The following CACNA2D1 variants were observed in gnomAD, a reference collection of about 807,000 sequenced individuals.
CACNA2D1 encodes the protein voltage-dependent calcium channel subunit alpha-2/delta-1.
CACNA2D1 carries 53 observed loss-of-function variants against 171.5 expected under a neutral mutation model. The ratio of observed to expected loss-of-function variants is 0.31; its 90% CI spans 0.25 to 0.39. CACNA2D1 has a LOEUF of 0.39. Among genes scored for constraint, CACNA2D1 ranks in the 10% least tolerant of loss-of-function variants. The pLI is 1.00. For synonymous variants in CACNA2D1, 442 were observed against 443.1 expected (o/e 1.00, Z 0.03); for missense variants, 903 against 1,299.8 (o/e 0.69, Z 4.69).
chr7:82,395,264 A>G (rs1164443331), intron 1 of CACNA2D1, among the ~76,000 whole-genome samples: 3 of 152,166 alleles, frequency 2.0e-5, no homozygotes, highest in African/African-American at 7.2e-5. Flanking sequence ...AAACTGAGCT[A>G]GAGAGAAGTA....
At chr7:82,404,738 A>C (rs1179108720) in intron 1 of CACNA2D1, among the ~76,000 whole-genome samples, 3 of 152,146 alleles carry the variant, frequency 2.0e-5, no homozygotes, top group African/African-American at 7.2e-5. Context: ...AAATCATAAA[A>C]CTGTACCCTG....
At chr7:82,259,874 A>G (rs1239756800) in intron 3 of CACNA2D1, among the ~76,000 whole-genome samples, 1 of 152,222 alleles carries the variant, frequency 6.6e-6, no homozygotes, top group Non-Finnish European at 1.5e-5. Context: ...TTGTCTCTAA[A>G]ATTGATATAA....
At chr7:82,164,189 A>G (rs1795219420) in intron 4 of CACNA2D1, among the ~76,000 whole-genome samples, 1 of 151,988 alleles carries the variant, frequency 6.6e-6, no homozygotes, top group Non-Finnish European at 1.5e-5. Context: ...ACAAGCAAAA[A>G]CAGATATCCT....
intron 1 of CACNA2D1, among the ~76,000 whole-genome samples, chr7:82,389,782 A>C (rs1055470421): frequency 2.6e-5 from 4 of 152,236 alleles, no homozygotes; most frequent in Non-Finnish European, 5.9e-5. Flanking sequence ...ATATATCCTT[A>C]ATAAACTTAA....
chr7:82,070,770 A>G (rs1056914537), intron 7 of CACNA2D1, among the ~76,000 whole-genome samples: 1 of 152,158 alleles, frequency 6.6e-6, no homozygotes, highest in African/African-American at 2.4e-5. Flanking sequence ...TTCCCAATGG[A>G]ATGGGAAGAC....
chr7:81,995,413 T>C (rs1020942391), intron 19 of CACNA2D1, among the ~76,000 whole-genome samples: 12 of 152,148 alleles, frequency 7.9e-5, no homozygotes, highest in African/African-American at 2.7e-4. Flanking sequence ...CAAAAAAATC[T>C]AAATAAAGGA....
rs574644882 is a variant in CACNA2D1 at position 82,050,137 on chromosome 7, G to A, written c.879+10291C>T. On this transcript the variant is annotated intron_variant, in intron 10 of 38. Transcript: ENST00000356860. The stretch of plus-strand genomic sequence containing the variant: ...GGAAATCTGAAATTTAAAGCACATA[G>A]GAAATGGAACAATTGAAATCATCTC... 3.0e-4 allele frequency among the ~76,000 whole-genome samples: 45 copies of A among 152,244 alleles called. 2 individuals carry two copies. In the South Asian group the frequency reaches 9.1e-3, roughly 31 times the overall value.
intron 3 of CACNA2D1, among the ~76,000 whole-genome samples, chr7:82,296,266 T>TAA (rs548667970): frequency 2.1e-5 from 3 of 145,596 alleles, no homozygotes; most frequent in African/African-American, 7.5e-5. Flanking sequence ...TAATAATAAT[T>TAA]AAAAAAAAAA....
At chr7:82,174,945 T>C (rs1048783148) in intron 3 of CACNA2D1, among the ~76,000 whole-genome samples, 6 of 152,064 alleles carry the variant, frequency 3.9e-5, no homozygotes, top group Non-Finnish European at 7.4e-5. Flanking sequence ...CATATCTTCA[T>C]CTTTTCCATT....
intron 10 of CACNA2D1, among the ~76,000 whole-genome samples, chr7:82,045,105 A>G (rs1008664391): frequency 6.0e-5 from 5 of 83,122 alleles, no homozygotes; most frequent in African/African-American, 2.3e-4. Context: ...AAATGAATAG[A>G]AAAGCCCAGA....
intron 12 of CACNA2D1, among the ~76,000 whole-genome samples, chr7:82,016,747 T>C (rs1800530301): frequency 6.6e-6 from 1 of 152,050 alleles, no homozygotes; most frequent in South Asian, 2.1e-4. Context: ...GCTGGGGTAG[T>C]GCACATTCTG....
chr7:82,395,925 G>C (rs572797766), intron 1 of CACNA2D1, among the ~76,000 whole-genome samples: 1 of 152,244 alleles, frequency 6.6e-6, no homozygotes, highest in East Asian at 1.9e-4. Context: ...TTGTTTGATA[G>C]GCTTAAGGGA....
At position 82,226,025 on chromosome 7, in the gene CACNA2D1, AATT is replaced by A. The variant is rs145648672; in HGVS notation, c.295-55419_295-55417del. 6.1e-3 allele frequency among the ~76,000 whole-genome samples: 923 copies of A among 152,322 alleles called. 12 individuals carry two copies. The highest frequency in any genetic ancestry group is 0.021 in the African/African-American group (882 of 41,578). On this transcript the variant is annotated intron_variant, in intron 3 of 38. Transcript: ENST00000356860. ...AGGAAACCTAACATAATTGTATTTT[AATT>A]ATTTTTTTTGAAATGTATCAAATAG... is the stretch of plus-strand genomic sequence containing the variant.
intron 4 of CACNA2D1, among the ~76,000 whole-genome samples, chr7:82,160,768 T>C (rs1244090101): frequency 6.6e-6 from 1 of 152,092 alleles, no homozygotes; most frequent in East Asian, 1.9e-4. Flanking sequence ...CCACCACACC[T>C]GGCATTTTCT....
chr7:82,244,276 T>C (rs1378632556), intron 3 of CACNA2D1, among the ~76,000 whole-genome samples: 4 of 152,292 alleles, frequency 2.6e-5, no homozygotes, highest in East Asian at 1.9e-4. Flanking sequence ...AAATCCTTTA[T>C]GACACTAAAG....
At chr7:82,236,418 T>C (rs1285979974) in intron 3 of CACNA2D1, among the ~76,000 whole-genome samples, 1 of 152,080 alleles carries the variant, frequency 6.6e-6, no homozygotes, top group Non-Finnish European at 1.5e-5. Flanking sequence ...ATAGGTACTC[T>C]AGACATGCAT....
At chr7:82,260,321 A>C (rs1563272563) in intron 3 of CACNA2D1, among the ~76,000 whole-genome samples, 1 of 152,136 alleles carries the variant, frequency 6.6e-6, no homozygotes, top group Non-Finnish European at 1.5e-5. Flanking sequence ...GATCATCAAC[A>C]CCGTTATTGA....
At chr7:82,369,051 C>T (rs1822059850) in intron 1 of CACNA2D1, among the ~76,000 whole-genome samples, 2 of 152,100 alleles carry the variant, frequency 1.3e-5, no homozygotes, top group Non-Finnish European at 1.5e-5. Flanking sequence ...TCCTTGAAAG[C>T]TCCTTTCTAG....
intron 20 of CACNA2D1, among the ~76,000 whole-genome samples, chr7:81,992,115 T>C (rs763950119): frequency 1.3e-5 from 2 of 151,716 alleles, no homozygotes; most frequent in Admixed American, 6.6e-5. Context: ...AGTGCTAGGA[T>C]TACAGGAGTG....
Sources: allele counts gnomAD v4.1 joint callset (sites outside exome capture counted in the v4.1 genomes callset), GRCh38; gene constraint gnomAD v4.1.1; transcripts MANE v1.5; gene names NCBI Gene and HGNC (gene_info 2026-07-23, HGNC 2026-07-21).